DLG2: variants seen among roughly 807,000 people sequenced by gnomAD.
The protein encoded by DLG2 is discs large MAGUK scaffold protein 2.
Under a neutral mutation model 132.5 loss-of-function variants are expected in DLG2, and 45 were observed. The observed-to-expected ratio is 0.34, with a 90% CI of 0.27 to 0.44. The LOEUF is 0.44. Among genes scored for constraint, DLG2 ranks in the 20% least tolerant of loss-of-function variants. DLG2 has a pLI of 1.00. For synonymous variants in DLG2, 424 were observed against 419.6 expected, an observed-to-expected ratio of 1.01 and a Z score of -0.13; for missense variants, 1,045 against 1,196.9, an observed-to-expected ratio of 0.87 and a Z score of 1.87.
chr11:83,744,915 G>A (rs1364843592), intron 18 of DLG2, among the ~76,000 whole-genome samples: 2 of 152,162 alleles, frequency 1.3e-5, no homozygotes, highest in African/African-American at 4.8e-5. Context: ...TTAATTTCCA[G>A]AACCTTTCAT....
chr11:83,905,633 A>G (rs1463437420), intron 15 of DLG2, among the ~76,000 whole-genome samples: 3 of 152,194 alleles, frequency 2.0e-5, no homozygotes, highest in Admixed American at 6.5e-5. Flanking sequence ...ATTCTTGCTT[A>G]CATATATGTT....
At chr11:85,351,246 T>G (rs1407308679) in intron 3 of DLG2, among the ~76,000 whole-genome samples, 6 of 152,224 alleles carry the variant, frequency 3.9e-5, no homozygotes, top group Non-Finnish European at 8.8e-5. Context: ...TTGTGATTTT[T>G]GCACATTGAT....
At chr11:84,964,518 C>A (rs2053048619) in intron 6 of DLG2, among the ~76,000 whole-genome samples, 2 of 152,072 alleles carry the variant, frequency 1.3e-5, no homozygotes, top group South Asian at 4.1e-4. Context: ...ATTTCTAACT[C>A]TTAAATGAAA....
chr11:84,666,230 T>C (rs2099699587), intron 6 of DLG2, among the ~76,000 whole-genome samples: 1 of 152,130 alleles, frequency 6.6e-6, no homozygotes, highest in South Asian at 2.1e-4. Context: ...ACAATATGGG[T>C]GACTCTCATC....
intron 11 of DLG2, among the ~76,000 whole-genome samples, chr11:84,005,310 A>G (rs1459688234): frequency 6.6e-6 from 1 of 151,994 alleles, no homozygotes; most frequent in African/African-American, 2.4e-5. Flanking sequence ...CAAAAGAATG[A>G]AACTGGACCC....
intron 18 of DLG2, among the ~76,000 whole-genome samples, chr11:83,765,837 AG>A (rs2094119071): frequency 1.3e-5 from 2 of 152,228 alleles, no homozygotes; most frequent in Non-Finnish European, 2.9e-5. Flanking sequence ...TGGAAAGTTA[AG>A]GTATTAGAAT....
At chr11:84,161,274 G>A (rs1596372075) in intron 9 of DLG2, among the ~76,000 whole-genome samples, 1 of 152,178 alleles carries the variant, frequency 6.6e-6, no homozygotes, top group East Asian at 1.9e-4. Context: ...TGCTAGGTGG[G>A]GAGGGAAGAG....
At chr11:83,981,941 A>G (rs1391740807) in intron 11 of DLG2, among the ~76,000 whole-genome samples, 1 of 152,218 alleles carries the variant, frequency 6.6e-6, no homozygotes, top group Admixed American at 6.5e-5. Context: ...GATCAGTGAT[A>G]GAGTACACAT....
chr11:85,515,225 T>C (rs1259656016), intron 3 of DLG2, among the ~76,000 whole-genome samples: 1 of 152,000 alleles, frequency 6.6e-6, no homozygotes, highest in African/African-American at 2.4e-5. Context: ...ACGCCTAGAT[T>C]ATTCTAATTT....
chr11:85,529,617 A>G (rs1312539973), intron 3 of DLG2, among the ~76,000 whole-genome samples: 1 of 152,222 alleles, frequency 6.6e-6, no homozygotes, highest in East Asian at 1.9e-4. Context: ...CAGACTCTTC[A>G]TACACTTTAC....
At chr11:85,573,892 TC>T (rs903372363) in intron 3 of DLG2, among the ~76,000 whole-genome samples, 6 of 152,154 alleles carry the variant, frequency 3.9e-5, no homozygotes, top group Admixed American at 3.9e-4. Flanking sequence ...TAACATGACC[TC>T]TTTTAAATTT....
chr11:84,110,677 T>C (rs982214296), intron 9 of DLG2, among the ~76,000 whole-genome samples: 5 of 152,198 alleles, frequency 3.3e-5, no homozygotes, highest in Non-Finnish European at 5.9e-5. Context: ...AGGCCCCACC[T>C]GAGTAGCCAT....
chr11:85,116,847 T>G (rs2073663376), intron 5 of DLG2, among the ~76,000 whole-genome samples: 1 of 151,932 alleles, frequency 6.6e-6, no homozygotes, highest in Non-Finnish European at 1.5e-5. Flanking sequence ...TATACAAAAG[T>G]TAGATGACTA....
At chr11:83,806,279 T>A (rs928644675) in intron 17 of DLG2, among the ~76,000 whole-genome samples, 2 of 152,168 alleles carry the variant, frequency 1.3e-5, no homozygotes, top group South Asian at 2.1e-4. Context: ...AAGCTCATTT[T>A]AAACAACTAA....
chr11:84,478,821 C>T (rs1265426043), intron 7 of DLG2, among the ~76,000 whole-genome samples: 1 of 151,938 alleles, frequency 6.6e-6, no homozygotes, highest in Non-Finnish European at 1.5e-5. Context: ...AAGCTGAACC[C>T]AGATTTCCTG....
chr11:84,128,114 G>A (rs1176121576), intron 9 of DLG2, among the ~76,000 whole-genome samples: 1 of 152,090 alleles, frequency 6.6e-6, no homozygotes, highest in Non-Finnish European at 1.5e-5. Flanking sequence ...GCCAACAATA[G>A]ATGTTTAATA....
chr11:85,341,254 GACTAC>G (rs2082479112), intron 3 of DLG2, among the ~76,000 whole-genome samples: 1 of 152,080 alleles, frequency 6.6e-6, no homozygotes, highest in Non-Finnish European at 1.5e-5. Context: ...GAGTAGCTGG[GACTAC>G]AGGCACCTGC....
intron 5 of DLG2, among the ~76,000 whole-genome samples, chr11:85,112,221 CAG>C (rs1171060469): frequency 6.6e-6 from 1 of 151,854 alleles, no homozygotes; most frequent in Non-Finnish European, 1.5e-5. Context: ...GGATAGATCT[CAG>C]AGGCCTTCTT....
At chr11:84,161,682 G>A (rs1056670742) in intron 9 of DLG2, among the ~76,000 whole-genome samples, 2 of 152,146 alleles carry the variant, frequency 1.3e-5, no homozygotes, top group African/African-American at 4.8e-5. Context: ...AGATGGTGAT[G>A]TACATTGGAT....
Sources: gnomAD v4.1 joint callset for allele counts (sites outside exome capture counted in the v4.1 genomes callset) on GRCh38, gnomAD v4.1.1 for gene constraint, MANE v1.5 for transcripts, NCBI Gene and HGNC (gene_info 2026-07-23, HGNC 2026-07-21) for gene names.